The following GRIN2C variants were observed in gnomAD, a reference collection of about 807,000 sequenced individuals.
GRIN2C encodes glutamate receptor ionotropic, NMDA 2C.
GRIN2C carries 64 observed loss-of-function variants against 77.7 expected under a neutral mutation model. The ratio of observed to expected loss-of-function variants is 0.82; its 90% CI spans 0.67 to 1.01. GRIN2C has a LOEUF of 1.01. Ranked by LOEUF, GRIN2C falls within the 50% of genes least tolerant of loss-of-function variation. GRIN2C has a pLI of 0.00. For missense variants in GRIN2C, 1,549 were observed against 1,486.0 expected, an observed-to-expected ratio of 1.04 and a Z score of -0.70; for synonymous variants, 792 against 643.4, an observed-to-expected ratio of 1.23 and a Z score of -3.49.
In GRIN2C at chr17:74,843,276, T is replaced by C. The variant is rs2037354040; in HGVS notation, c.2861A>G (p.Glu954Gly). Residue 954 changes from glutamate to glycine, a missense_variant, in exon 13 of 13, where the codon GAG becomes GGG. Glu to Gly is a moderately conservative substitution (Grantham distance 98). Around this residue, in one of 3 missense-constraint regions of GRIN2C, gnomAD observed 450 missense variants for 267.9 expected, o/e 1.68. Transcript: ENST00000293190. ...PCLPTPDPPP[E>G]PSPTGWGPPD... ...CGGTCCCCAGCCCGTGGGGCTCGGC[T>C]CTGGGGGCGGGTCGGGGGTGGGCAG... The C allele has an allele frequency of 2.1e-6, 2 of 970,856 alleles. No individual in the cohort carries two copies. Among genetic ancestry groups the C allele is most frequent in the Non-Finnish European group, 2.8e-6 (2 of 703,110 alleles). The allele number at this position is 970,856 out of a possible 1,614,324, so 60.1% of individuals were successfully genotyped here. A position where few individuals can be genotyped will look rare whatever the true frequency, so the allele number is the denominator to read the frequency against.
At position 74,859,296 on chromosome 17, in the gene GRIN2C, A is replaced by G. The variant is rs960022151; in HGVS notation, c.-16+448T>C. On this transcript the variant is annotated intron_variant, in intron 1 of 12. Coordinates refer to ENST00000293190, the MANE Select transcript of GRIN2C (RefSeq NM_000835.6). This position sits in a 1 kb window ranked among gnomAD's most constrained non-coding sequence, Gnocchi z 5.9. Reference sequence around the variant, plus strand: ...AGTCCTGCAGGACACAGCAGCATCTAGAAGGGTCTGAGCACCTTCCCAGGC... The same window carrying G: ...AGTCCTGCAGGACACAGCAGCATCTGGAAGGGTCTGAGCACCTTCCCAGGC... Among the ~76,000 whole-genome samples the G allele has an allele frequency of 5.9e-5, 9 of 152,174 alleles. No individual in the cohort carries two copies. Among genetic ancestry groups the G allele is most frequent in the Non-Finnish European group, 1.0e-4 (7 of 68,012 alleles).
intron 1 of GRIN2C, among the ~76,000 whole-genome samples, chr17:74,857,003 G>A (rs2037838239): frequency 6.6e-6 from 1 of 152,150 alleles, no homozygotes; most frequent in Non-Finnish European, 1.5e-5. Context: ...CGTGTGTGCT[G>A]AGCCCCTTCC....
chr17:74,854,276 T>G, intron 2 of GRIN2C: 1 of 170,162 alleles, frequency 5.9e-6, no homozygotes, highest in Non-Finnish European at 1.2e-5. Context: ...GCAGGGCCGT[T>G]TCTGCCTCCC....
chr17:74,854,432 G>C, intron 2 of GRIN2C: 1 of 428,306 alleles, frequency 2.3e-6, no homozygotes. Context: ...AGGAGGGCTG[G>C]GGCCTGAGCC....
Position 74,847,068 on chromosome 17 carries a change from T to C in GRIN2C, c.2002-148A>G, listed in dbSNP as rs963024833. ...AAGGCTGTCCAGGCCACTCCTGTGT[T>C]TTCCAAATGGAGACTCTGAGGCCCA... On this transcript the variant is annotated intron_variant, in intron 9 of 12. Transcript: ENST00000293190. The surrounding 1 kb of genome is among the most constrained non-coding windows in gnomAD (Gnocchi z 5.2). 9 of 862,494 alleles carry C rather than the reference T, an allele frequency of 1.0e-5. No homozygotes were observed. The African/African-American group carries it at 1.5e-4, about 15-fold the overall frequency. 53.4% of individuals were successfully genotyped at this position (862,494 alleles called of 1,614,324 possible). A position where few individuals can be genotyped will look rare whatever the true frequency, so the allele number is the denominator to read the frequency against.
At chr17:74,861,101 G>A (rs1188817301), upstream of GRIN2C, among the ~76,000 whole-genome samples, 1 of 152,166 alleles carries the variant, frequency 6.6e-6, no homozygotes, top group Non-Finnish European at 1.5e-5. Context: ...GTGCTGCCGC[G>A]CCAAGCGAAG....
Position 74,849,840 on chromosome 17 carries a change from T to C in GRIN2C, c.1585A>G (p.Thr529Ala). 5.0e-6 allele frequency: 8 copies of C among 1,613,002 alleles called. No homozygotes were observed. The highest frequency in any genetic ancestry group is 6.8e-6 in the Non-Finnish European group (8 of 1,179,666). The change falls in exon 7 of 13, where the codon ACG (threonine) becomes GCG (alanine). Residue 529 changes from threonine (T) to alanine (A), a missense_variant. This residue lies in a region of GRIN2C where 717 missense variants were observed against 858.1 expected (regional missense o/e 0.84). Transcript: ENST00000293190. The surrounding 1 kb of genome is among the most constrained non-coding windows in gnomAD (Gnocchi z 4.6). ...CGAGCCACCATCACACTGATGCCCG[T>C]CTCCACAAAGGGTACAGAGAAGTCT... ...IVDFSVPFVETGISVMVARSN... is the reference protein window; with the variant it reads ...IVDFSVPFVEAGISVMVARSN...
In GRIN2C at chr17:74,849,599, G is replaced by A. The variant is rs146506843; in HGVS notation, c.1645+181C>T. 2.0e-3 allele frequency among the ~76,000 whole-genome samples: 302 copies of A among 151,612 alleles called. 2 individuals carry two copies. The highest frequency in any genetic ancestry group is 0.017 in the South Asian group (83 of 4,758). ...TCACCTGGCAGCCATACCTAGAACCGAACACTGACTTCACTTCTCCTGTCT... is the reference window on the plus strand; with the variant it reads ...TCACCTGGCAGCCATACCTAGAACCAAACACTGACTTCACTTCTCCTGTCT... On this transcript the variant is annotated intron_variant, in intron 7 of 12. Transcript: ENST00000293190. This position sits in a 1 kb window ranked among gnomAD's most constrained non-coding sequence, Gnocchi z 4.6.
In GRIN2C at chr17:74,842,573, C is replaced by T. The variant is rs754809445; in HGVS notation, c.3564G>A (p.Arg1188=). 2.5e-5 allele frequency: 19 copies of T among 772,008 alleles called. No individual in the cohort carries two copies. Among genetic ancestry groups the T allele is most frequent in the African/African-American group, 5.3e-5 (3 of 56,236 alleles). 47.8% of individuals were successfully genotyped at this position (772,008 alleles called of 1,614,324 possible). ...LSGAWGPLGH[R]GRTLGLGTGY... is the part of the protein sequence containing the mutation. ...CTGTGCCCAGCCCCAGAGTCCTGCCCCTGTGCCCCAGAGGCCCCCAGGCCC... is the reference window on the plus strand; with the variant it reads ...CTGTGCCCAGCCCCAGAGTCCTGCCTCTGTGCCCCAGAGGCCCCCAGGCCC... The change falls in exon 13 of 13, where the codon AGG becomes AGA. Residue 1188 remains arginine (R), a synonymous_variant. Transcript: ENST00000293190.
At chr17:74,857,444 CACAGAAGTG>C (rs1176923292) in intron 1 of GRIN2C, among the ~76,000 whole-genome samples, 8 of 152,292 alleles carry the variant, frequency 5.3e-5, no homozygotes, top group South Asian at 4.1e-4. Flanking sequence ...AGTACAGTGA[CACAGAAGTG>C]ACAGAAGTGA....
At chr17:74,856,469 T>TTC (rs1216727280) in intron 1 of GRIN2C, among the ~76,000 whole-genome samples, 13 of 136,996 alleles carry the variant, frequency 9.5e-5, no homozygotes, top group African/African-American at 2.9e-4. Context: ...GCCACCAAAT[T>TTC]TCTCTCTCTC....
rs1357469252 is a variant in GRIN2C at position 74,842,079 on chromosome 17, G to C, written c.*356C>G. The C allele has an allele frequency of 7.5e-6, 2 of 266,732 alleles. No homozygotes were observed. Among genetic ancestry groups the C allele is most frequent in the Non-Finnish European group, 1.4e-5 (2 of 140,998 alleles). 16.5% of individuals were successfully genotyped at this position (266,732 alleles called of 1,614,324 possible). On this transcript the variant is annotated 3_prime_UTR_variant, in exon 13 of 13. Coordinates refer to ENST00000293190, the MANE Select transcript of GRIN2C (RefSeq NM_000835.6). ...CTCTGATGAGAAGAAACTCTAGCCAGGTAGAGCAAGGATCGGGATGGCCCT... is the reference window on the plus strand; with the variant it reads ...CTCTGATGAGAAGAAACTCTAGCCACGTAGAGCAAGGATCGGGATGGCCCT...
Position 74,849,852 on chromosome 17 carries a change from G to T in GRIN2C, c.1573C>A (p.Pro525Thr), listed in dbSNP as rs2037577682. The T allele has an allele frequency of 2.5e-6, 4 of 1,613,350 alleles. No individual in the cohort carries two copies. Among genetic ancestry groups the T allele is most frequent in the Non-Finnish European group, 3.4e-6 (4 of 1,179,786 alleles). Residue 525 changes from proline to threonine, a missense_variant, in exon 7 of 13, where the codon CCC (proline) becomes ACC (threonine). Physicochemically the swap from Pro to Thr is conservative, Grantham distance 38. Around this residue, in one of 3 missense-constraint regions of GRIN2C, gnomAD observed 717 missense variants for 858.1 expected, o/e 0.84. Coordinates refer to ENST00000293190, the MANE Select transcript of GRIN2C (RefSeq NM_000835.6). The surrounding 1 kb of genome is among the most constrained non-coding windows in gnomAD (Gnocchi z 4.6). Reference sequence around the variant, plus strand: ...ACACTGATGCCCGTCTCCACAAAGGGTACAGAGAAGTCTACGATCTCGGAG... The same window carrying T: ...ACACTGATGCCCGTCTCCACAAAGGTTACAGAGAAGTCTACGATCTCGGAG... ...ERSEIVDFSV[P>T]FVETGISVMV...
At position 74,844,498 on chromosome 17, in the gene GRIN2C, C is replaced by G. The variant is rs1177519565; in HGVS notation, c.2361G>C (p.Gln787His). The change falls in exon 12 of 13, where the codon CAG becomes CAC. Residue 787 changes from glutamine (Q) to histidine (H), a missense_variant. Gln to His is a conservative substitution (Grantham distance 24, BLOSUM62 0). Around this residue, in one of 3 missense-constraint regions of GRIN2C, gnomAD observed 717 missense variants for 858.1 expected, o/e 0.84. Transcript: ENST00000293190. ...LLQFLGDGET[Q>H]KLETVWLSGI... ...CTGAGAGCCACACTGTCTCCAGTTT[C>G]TGTGTCTCTCCTGGAGTTGGGGGGT... is the stretch of plus-strand genomic sequence containing the variant. 1.2e-6 allele frequency: 2 copies of G among 1,614,050 alleles called. No homozygotes were observed. The highest frequency in any genetic ancestry group is 1.3e-5 in the African/African-American group (1 of 75,046).
intron 2 of GRIN2C, 56 bp from the exon 3 acceptor site, chr17:74,852,667 C>A: frequency 1.3e-6 from 1 of 785,130 alleles, no homozygotes; most frequent in South Asian, 2.6e-5. Flanking sequence ...CCTCCCGCCC[C>A]TTCCCCGACC....
At chr17:74,851,956 C>T in intron 3 of GRIN2C, 57 bp downstream of exon 3, 1 of 1,346,290 alleles carries the variant, frequency 7.4e-7, no homozygotes, top group South Asian at 1.5e-5. Flanking sequence ...CACTGCCAGC[C>T]AGCTCCCCCG....
At position 74,855,026 on chromosome 17, in the gene GRIN2C, G is replaced by A. The variant is rs1321825262; in HGVS notation, c.67C>T (p.Pro23Ser). 1 of 1,601,904 alleles carries A rather than the reference G, an allele frequency of 6.2e-7. No individual in the cohort carries two copies. Among genetic ancestry groups the A allele is most frequent in the South Asian group, 1.1e-5 (1 of 90,896 alleles). Residue 23 changes from proline (P) to serine (S), a missense_variant, in exon 2 of 13, where the codon CCG becomes TCG. Pro to Ser is a moderately conservative substitution (Grantham distance 74). This residue lies in a region of GRIN2C where 382 missense variants were observed against 360.0 expected (regional missense o/e 1.06). Coordinates refer to ENST00000293190, the MANE Select transcript of GRIN2C (RefSeq NM_000835.6). Reference sequence around the variant, plus strand: ...GTCATGCCCTGCTCGCCCTGCCCCGGACCCAGCCCTGCCCAGGCACCGAAG... The same window carrying A: ...GTCATGCCCTGCTCGCCCTGCCCCGAACCCAGCCCTGCCCAGGCACCGAAG... ...SLFGAWAGLGPGQGEQGMTVA... is the reference protein window; with the variant it reads ...SLFGAWAGLGSGQGEQGMTVA...
At chr17:74,860,627 C>A (rs1477624782), upstream of GRIN2C, 1 of 400,966 alleles carries the variant, frequency 2.5e-6, no homozygotes, top group East Asian at 7.3e-5. Context: ...GGCTGGTGCG[C>A]AGCCAGGGCC....
At chr17:74,858,178 G>A (rs1261287571) in intron 1 of GRIN2C, among the ~76,000 whole-genome samples, 1 of 152,156 alleles carries the variant, frequency 6.6e-6, no homozygotes, top group East Asian at 1.9e-4. Flanking sequence ...ACCCTCCCCA[G>A]TCAAGACCTT....
Sources: allele counts gnomAD v4.1 joint callset (sites outside exome capture counted in the v4.1 genomes callset), GRCh38; gene constraint gnomAD v4.1.1; regional missense constraint gnomAD v4.1.1; non-coding constraint Gnocchi (gnomAD v3.1); transcripts MANE v1.5; gene names NCBI Gene and HGNC (gene_info 2026-07-23, HGNC 2026-07-21).